INPP4B: variants seen among roughly 807,000 people sequenced by gnomAD.
INPP4B encodes inositol polyphosphate 4-phosphatase type II.
A neutral mutation model predicts 122.5 loss-of-function variants in INPP4B; 55 were observed. The observed-to-expected ratio is 0.45, with a 90% CI of 0.36 to 0.56. The LOEUF (loss-of-function observed/expected upper bound fraction) is 0.56, where lower values mean the gene tolerates loss of function less well. Ranked by LOEUF, INPP4B falls within the 20% of genes least tolerant of loss-of-function variation. The probability of loss-of-function intolerance (pLI) is 0.00; values close to 1 mark genes in which losing one functional copy is unlikely to be tolerated. For synonymous variants in INPP4B, 403 were observed against 388.7 expected, an observed-to-expected ratio of 1.04 and a Z score of -0.43; for missense variants, 1,000 against 1,097.7, an observed-to-expected ratio of 0.91 and a Z score of 1.26.
chr4:142,490,603 A>G (rs1580196912), intron 2 of INPP4B, among the ~76,000 whole-genome samples: 1 of 152,126 alleles, frequency 6.6e-6, no homozygotes, highest in African/African-American at 2.4e-5. Context: ...AATATAATAT[A>G]TTGTTATTAA....
At chr4:142,724,722 G>T (rs1765118218) in intron 2 of INPP4B, among the ~76,000 whole-genome samples, 1 of 152,042 alleles carries the variant, frequency 6.6e-6, no homozygotes, top group South Asian at 2.1e-4. Context: ...CTGTTTTGAA[G>T]AATTACCTAG....
At chr4:142,240,084 T>G (rs1403312026) in intron 11 of INPP4B, among the ~76,000 whole-genome samples, 1 of 151,614 alleles carries the variant, frequency 6.6e-6, no homozygotes, top group East Asian at 1.9e-4. Context: ...TTTTTTTTTT[T>G]TTGAGACAGG....
At chr4:142,398,192 G>A (rs1294064971) in intron 7 of INPP4B, among the ~76,000 whole-genome samples, 1 of 150,800 alleles carries the variant, frequency 6.6e-6, no homozygotes, top group Non-Finnish European at 1.5e-5. Flanking sequence ...TGGCTAACAC[G>A]GTGAAACCCC....
chr4:142,691,370 C>G (rs916025673), intron 2 of INPP4B, among the ~76,000 whole-genome samples: 1 of 151,222 alleles, frequency 6.6e-6, no homozygotes, highest in African/African-American at 2.4e-5. Flanking sequence ...AGGACCCACA[C>G]AATCCTAGGC....
chr4:142,647,862 C>T (rs753843491), intron 2 of INPP4B, among the ~76,000 whole-genome samples: 1 of 152,228 alleles, frequency 6.6e-6, no homozygotes, highest in Non-Finnish European at 1.5e-5. Context: ...AAAGCAGATG[C>T]TAATGAAGGT....
chr4:142,424,093 C>T (rs1432167330), intron 5 of INPP4B, among the ~76,000 whole-genome samples: 1 of 151,974 alleles, frequency 6.6e-6, no homozygotes, highest in East Asian at 1.9e-4. Context: ...GTAATTTCCC[C>T]TTTCCTCTAA....
At chr4:142,660,494 G>T (rs982326885) in intron 2 of INPP4B, among the ~76,000 whole-genome samples, 2 of 151,778 alleles carry the variant, frequency 1.3e-5, no homozygotes, top group African/African-American at 4.8e-5. Flanking sequence ...ATATTTAATT[G>T]TGTCTCTGTA....
chr4:142,477,886 C>CA (rs1359666098), intron 2 of INPP4B, among the ~76,000 whole-genome samples: 1 of 151,958 alleles, frequency 6.6e-6, no homozygotes, highest in Non-Finnish European at 1.5e-5. Flanking sequence ...GAAACTATTC[C>CA]AAAAAATTAA....
chr4:142,714,475 A>G (rs1340237443), intron 2 of INPP4B, among the ~76,000 whole-genome samples: 1 of 152,208 alleles, frequency 6.6e-6, no homozygotes. Context: ...GGATTCCATA[A>G]TAAAAACTGG....
chr4:142,741,357 T>C (rs1011454180), intron 1 of INPP4B, among the ~76,000 whole-genome samples: 3 of 151,800 alleles, frequency 2.0e-5, no homozygotes, highest in Non-Finnish European at 4.4e-5. Context: ...CAGCCCCTTT[T>C]AAACAACCAA....
chr4:142,243,754 G>A (rs1860673329), intron 11 of INPP4B, among the ~76,000 whole-genome samples: 2 of 152,162 alleles, frequency 1.3e-5, no homozygotes, highest in Admixed American at 1.3e-4. Context: ...GCAGGAACTA[G>A]TTTTGAGAAT....
intron 2 of INPP4B, among the ~76,000 whole-genome samples, chr4:142,701,295 C>T (rs1204910217): frequency 6.6e-6 from 1 of 152,046 alleles, no homozygotes; most frequent in Non-Finnish European, 1.5e-5. Flanking sequence ...CTGCCAGCCT[C>T]TCCACAGTAG....
intron 23 of INPP4B, among the ~76,000 whole-genome samples, chr4:142,094,907 G>C (rs1478438262): frequency 6.6e-6 from 1 of 152,172 alleles, no homozygotes; most frequent in Non-Finnish European, 1.5e-5. Context: ...TGAAAATAAA[G>C]CTGTGTTGGA....
chr4:142,802,509 A>ATT (rs777066156), intron 1 of INPP4B, among the ~76,000 whole-genome samples: 2 of 152,176 alleles, frequency 1.3e-5, no homozygotes, highest in Non-Finnish European at 2.9e-5. Flanking sequence ...GAATCCTGGA[A>ATT]TCCCCTATCC....
chr4:142,527,623 T>C lies in INPP4B; in HGVS notation c.-190-64897A>G, dbSNP rs934972716. On this transcript the variant is annotated intron_variant, in intron 2 of 25. Coordinates refer to ENST00000262992, the MANE Select transcript of INPP4B (RefSeq NM_001101669.3). ...AAAATGAAGAAAATTGAGCATTAATTGCCTTTCCCTAGGGTAATTTTACTA... is the reference window on the plus strand; with the variant it reads ...AAAATGAAGAAAATTGAGCATTAATCGCCTTTCCCTAGGGTAATTTTACTA... Among the ~76,000 whole-genome samples the C allele has an allele frequency of 9.2e-5, 14 of 152,142 alleles. No homozygotes were observed. In the East Asian group the frequency reaches 2.5e-3, roughly 27 times the overall value.
At chr4:142,660,501 T>C (rs1435004011) in intron 2 of INPP4B, among the ~76,000 whole-genome samples, 1 of 152,106 alleles carries the variant, frequency 6.6e-6, no homozygotes, top group Non-Finnish European at 1.5e-5. Flanking sequence ...ATTGTGTCTC[T>C]GTACTATGGG....
At chr4:142,845,743 G>A (rs1308150757) in intron 1 of INPP4B, among the ~76,000 whole-genome samples, 1 of 151,422 alleles carries the variant, frequency 6.6e-6, no homozygotes, top group Non-Finnish European at 1.5e-5. Context: ...GGCGGCGGCG[G>A]CGGCGGCGGC....
At position 142,027,148 on chromosome 4, in the gene INPP4B, G is replaced by GT. The variant is rs1435331869; in HGVS notation, c.*1633dup. 6.6e-6 allele frequency: 1 copy of GT among 152,164 alleles called. No individual in the cohort carries two copies. Among genetic ancestry groups the GT allele is most frequent in the Non-Finnish European group, 1.5e-5 (1 of 68,026 alleles). 9.4% of individuals were successfully genotyped at this position (152,164 alleles called of 1,614,324 possible). A position where few individuals can be genotyped will look rare whatever the true frequency, so the allele number is the denominator to read the frequency against. On this transcript the variant is annotated 3_prime_UTR_variant, in exon 26 of 26. Coordinates refer to ENST00000262992, the MANE Select transcript of INPP4B (RefSeq NM_001101669.3). ...ACAGCACATTTTCATTAAAAAGGCT[G>GT]TAAGTAGTTTGGTACCTGCCTCAAG...
intron 25 of INPP4B, among the ~76,000 whole-genome samples, chr4:142,036,751 A>G (rs1497146): frequency 0.026 from 3,892 of 152,304 alleles, 76 homozygotes; most frequent in Non-Finnish European, 0.036. Context: ...CATATTAAAG[A>G]TGTCTCACAT....
Sources: gnomAD v4.1 joint callset for allele counts (sites outside exome capture counted in the v4.1 genomes callset) on GRCh38, gnomAD v4.1.1 for gene constraint, MANE v1.5 for transcripts, NCBI Gene and HGNC (gene_info 2026-07-23, HGNC 2026-07-21) for gene names.